The following ENOX1 variants were observed in gnomAD, a reference collection of about 807,000 sequenced individuals.
The protein encoded by ENOX1 is candidate growth-related and time keeping constitutive hydroquinone (NADH) oxidase.
A neutral mutation model predicts 82.5 loss-of-function variants in ENOX1; 42 were observed. The ratio of observed to expected loss-of-function variants is 0.51; its 90% CI spans 0.40 to 0.66. The LOEUF (loss-of-function observed/expected upper bound fraction) is 0.66. Among genes scored for constraint, ENOX1 ranks in the 30% least tolerant of loss-of-function variants. The pLI is 0.00. For synonymous variants in ENOX1, 271 were observed against 282.2 expected (o/e 0.96, Z 0.40); for missense variants, 608 against 811.6 (o/e 0.75, Z 3.05).
intron 2 of ENOX1, among the ~76,000 whole-genome samples, chr13:43,660,078 A>G (rs2084646276): frequency 6.6e-6 from 1 of 152,090 alleles, no homozygotes; most frequent in African/African-American, 2.4e-5. Context: ...ATACTTCTCA[A>G]CTGTATCTCC....
intron 1 of ENOX1, among the ~76,000 whole-genome samples, chr13:43,722,005 C>G (rs1307184815): frequency 6.6e-6 from 1 of 152,176 alleles, no homozygotes; most frequent in African/African-American, 2.4e-5. Context: ...ATGTCCAGTT[C>G]TCAGGGCCAC....
intron 2 of ENOX1, among the ~76,000 whole-genome samples, chr13:43,566,076 C>T (rs1495768): frequency 0.97 from 147,992 of 152,278 alleles, 72,057 homozygotes; most frequent in East Asian, 1. Flanking sequence ...TTAAGAAATG[C>T]ATGTTTTCCT....
At chr13:43,541,173 G>GTTTTTTTTTTTTCTTTTTTTTTTTTTT (rs2078698456) in intron 2 of ENOX1, among the ~76,000 whole-genome samples, 1 of 64,574 alleles carries the variant, frequency 1.5e-5, no homozygotes, top group Non-Finnish European at 3.2e-5. Context: ...TCTTCCCTCT[G>GTTTTTTTTTTTTCTTTTTTTTTTTTTT]TTTTTTTTTT....
intron 2 of ENOX1, chr13:43,547,641 T>C (rs973492020): frequency 5.9e-5 from 9 of 152,242 alleles, no homozygotes; most frequent in African/African-American, 2.2e-4. Context: ...TTCAGTAGTT[T>C]GTCAGCAAAC....
intron 2 of ENOX1, among the ~76,000 whole-genome samples, chr13:43,641,081 T>C (rs997167555): frequency 3.9e-5 from 6 of 152,180 alleles, no homozygotes; most frequent in African/African-American, 1.4e-4. Flanking sequence ...TAACTAAAAA[T>C]TGTTTCCCCC....
chr13:43,382,006 T>C (rs2052083545), intron 5 of ENOX1, among the ~76,000 whole-genome samples: 2 of 152,064 alleles, frequency 1.3e-5, no homozygotes, highest in Admixed American at 1.3e-4. Flanking sequence ...TACCTTCCAA[T>C]TTGCTTTATG....
At chr13:43,334,559 G>A (rs2048591106) in intron 9 of ENOX1, among the ~76,000 whole-genome samples, 1 of 151,972 alleles carries the variant, frequency 6.6e-6, no homozygotes, top group Non-Finnish European at 1.5e-5. Context: ...GGGAGGCCAA[G>A]AAAGGCTTAA....
chr13:43,298,982 C>T (rs569191891), intron 11 of ENOX1, among the ~76,000 whole-genome samples: 13 of 152,164 alleles, frequency 8.5e-5, no homozygotes, highest in Admixed American at 2.0e-4. Context: ...TTGAGACATG[C>T]GGCAGCATCC....
At chr13:43,708,070 C>G (rs1178187963) in intron 1 of ENOX1, among the ~76,000 whole-genome samples, 1 of 152,062 alleles carries the variant, frequency 6.6e-6, no homozygotes, top group African/African-American at 2.4e-5. Context: ...ATAGAGAACA[C>G]CTGAAGCTGA....
intron 1 of ENOX1, among the ~76,000 whole-genome samples, chr13:43,674,533 A>T (rs1157781439): frequency 6.6e-6 from 1 of 152,152 alleles, no homozygotes; most frequent in South Asian, 2.1e-4. Context: ...GGGAAAACTC[A>T]AACTATGGAG....
intron 11 of ENOX1, among the ~76,000 whole-genome samples, chr13:43,303,019 T>A (rs538486943): frequency 6.6e-6 from 1 of 152,374 alleles, no homozygotes; most frequent in East Asian, 1.9e-4. Context: ...TTAGTCTTTG[T>A]GTGTTTGGGG....
intron 10 of ENOX1, among the ~76,000 whole-genome samples, chr13:43,324,749 G>T (rs558124753): frequency 9.1e-5 from 13 of 142,176 alleles, no homozygotes; most frequent in Admixed American, 7.6e-4. Flanking sequence ...AAGCAAGCAG[G>T]CTCCTTAGAC....
intron 3 of ENOX1, among the ~76,000 whole-genome samples, chr13:43,427,931 T>G (rs2055419621): frequency 6.6e-6 from 1 of 152,172 alleles, no homozygotes; most frequent in African/African-American, 2.4e-5. Context: ...AAAAGTTGGC[T>G]GAAACCAGAA....
At chr13:43,384,324 C>T (rs911922823) in intron 5 of ENOX1, among the ~76,000 whole-genome samples, 11 of 152,198 alleles carry the variant, frequency 7.2e-5, no homozygotes, top group Non-Finnish European at 1.3e-4. Context: ...GAAATACTTC[C>T]TCTAACAATG....
chr13:43,346,365 G>A (rs1282495533), intron 8 of ENOX1, among the ~76,000 whole-genome samples: 4 of 152,170 alleles, frequency 2.6e-5, no homozygotes, highest in African/African-American at 9.7e-5. Context: ...CTGCTGCACA[G>A]CAGCCTTCTA....
intron 3 of ENOX1, among the ~76,000 whole-genome samples, chr13:43,433,672 G>A (rs2055824681): frequency 6.6e-6 from 1 of 152,178 alleles, no homozygotes; most frequent in Admixed American, 6.5e-5. Flanking sequence ...ATGACGTGAT[G>A]CACTCTGAGT....
At chr13:43,685,166 A>T (rs1264734116) in intron 1 of ENOX1, among the ~76,000 whole-genome samples, 1 of 152,128 alleles carries the variant, frequency 6.6e-6, no homozygotes, top group African/African-American at 2.4e-5. Context: ...CACCCGGACG[A>T]CACTTTCCTA....
chr13:43,604,004 A>G (rs903213766), intron 2 of ENOX1, among the ~76,000 whole-genome samples: 2 of 145,440 alleles, frequency 1.4e-5, no homozygotes, highest in African/African-American at 2.6e-5. Context: ...AGTCCCACCA[A>G]TAGTGTAAAA....
At chr13:43,750,965 C>T (rs947128663) in intron 1 of ENOX1, among the ~76,000 whole-genome samples, 1 of 152,176 alleles carries the variant, frequency 6.6e-6, no homozygotes, top group African/African-American at 2.4e-5. Flanking sequence ...AGATTAGACA[C>T]CTTCAGTGGC....
Sources: gnomAD v4.1 joint callset for allele counts (sites outside exome capture counted in the v4.1 genomes callset) on GRCh38, gnomAD v4.1.1 for gene constraint, MANE v1.5 for transcripts, NCBI Gene and HGNC (gene_info 2026-07-23, HGNC 2026-07-21) for gene names.